The following DIS3L2 variants were observed in gnomAD, a reference collection of about 807,000 sequenced individuals.
The protein encoded by DIS3L2 is DIS3 like 3'-5' exoribonuclease 2, also known as DIS3-like exonuclease 2.
DIS3L2 carries 34 observed loss-of-function variants against 97.5 expected under a neutral mutation model. The ratio of observed to expected loss-of-function variants is 0.35; its 90% CI spans 0.27 to 0.46. The LOEUF is 0.46. DIS3L2 is among the 20% of genes least tolerant of loss of function. The pLI, the probability that DIS3L2 is intolerant of heterozygous loss-of-function variation, is 1.00. For synonymous variants in DIS3L2, 435 were observed against 445.2 expected, an observed-to-expected ratio of 0.98 and a Z score of 0.29; for missense variants, 1,038 against 1,146.0, an observed-to-expected ratio of 0.91 and a Z score of 1.36.
At chr2:232,215,322 T>C (rs1692303337) in intron 10 of DIS3L2, among the ~76,000 whole-genome samples, 3 of 152,206 alleles carry the variant, frequency 2.0e-5, no homozygotes, top group South Asian at 4.2e-4. Flanking sequence ...CCGCTCACAT[T>C]TCCCATCCCC....
chr2:232,088,455 G>C (rs1295811031), intron 6 of DIS3L2, among the ~76,000 whole-genome samples: 1 of 150,894 alleles, frequency 6.6e-6, no homozygotes, highest in Non-Finnish European at 1.5e-5. Context: ...CCAGCTACTC[G>C]GGAGGCTGAG....
At chr2:232,030,227 G>A (rs1055777637) in intron 5 of DIS3L2, 147 bp downstream of exon 5, 37 of 662,784 alleles carry the variant, frequency 5.6e-5, no homozygotes, top group African/African-American at 5.3e-4. Context: ...GCATGCTACC[G>A]AATGCTTGGA....
At chr2:232,334,290 G>C in intron 17 of DIS3L2, 79 bp from the exon 18 acceptor site, 1 of 1,509,422 alleles carries the variant, frequency 6.6e-7, no homozygotes, top group Non-Finnish European at 9.0e-7. Context: ...GGGGTGCAGC[G>C]CCATGCAGCC....
chr2:232,174,039 A>T (rs1249769134), intron 9 of DIS3L2, among the ~76,000 whole-genome samples: 4 of 152,158 alleles, frequency 2.6e-5, no homozygotes, highest in Non-Finnish European at 4.4e-5. Context: ...TTTCCATCTT[A>T]ACACTGTTAA....
intron 5 of DIS3L2, among the ~76,000 whole-genome samples, chr2:232,033,135 A>G (rs1442224169): frequency 2.6e-5 from 4 of 152,028 alleles, no homozygotes; most frequent in Non-Finnish European, 4.4e-5. Flanking sequence ...ATATTTTTCC[A>G]TTTGTGTCCT....
chr2:232,327,186 G>C (rs111667209), intron 14 of DIS3L2, among the ~76,000 whole-genome samples: 3,191 of 152,326 alleles, frequency 0.021, 60 homozygotes, highest in Middle Eastern at 0.048. Flanking sequence ...GTAACCAGGG[G>C]CCACCTCACA....
rs556096356 is a variant in DIS3L2 at position 231,987,832 on chromosome 2, C to A, written c.-94+26067C>A. 5.3e-5 allele frequency among the ~76,000 whole-genome samples: 8 copies of A among 152,046 alleles called. No individual in the cohort carries two copies. The South Asian group carries it at 1.7e-3, about 32-fold the overall frequency. Reference sequence around the variant, plus strand: ...TTTGGGAATGATTTTGGTCATTTTTCTTTTTCTTTCTTTCTTTTTTTTTTG... The same window carrying A: ...TTTGGGAATGATTTTGGTCATTTTTATTTTTCTTTCTTTCTTTTTTTTTTG... On this transcript the variant is annotated intron_variant, in intron 1 of 20. Transcript: ENST00000325385.
At chr2:231,962,437 C>CTTT (rs752430172) in intron 1 of DIS3L2, among the ~76,000 whole-genome samples, 7 of 132,060 alleles carry the variant, frequency 5.3e-5, no homozygotes, top group South Asian at 2.5e-4. Flanking sequence ...CTACCGTTAC[C>CTTT]TTTTTTTTTT....
downstream of DIS3L2, among the ~76,000 whole-genome samples, chr2:232,340,380 G>T (rs1002474203): frequency 7.9e-5 from 12 of 152,164 alleles, no homozygotes; most frequent in Non-Finnish European, 1.5e-4. Context: ...AAGAGGGATG[G>T]CTGGAATCAT....
intron 5 of DIS3L2, 145 bp downstream of exon 5, chr2:232,030,225 C>T: frequency 1.5e-6 from 1 of 673,228 alleles, no homozygotes; most frequent in Non-Finnish European, 2.5e-6. Flanking sequence ...AAGCATGCTA[C>T]CGAATGCTTG....
rs1358070833 is a variant in DIS3L2 at position 232,210,337 on chromosome 2, T to A, written c.1136T>A (p.Ile379Asn). The A allele has an allele frequency of 6.2e-7, 1 of 1,613,350 alleles. No homozygotes were observed. Among genetic ancestry groups the A allele is most frequent in the African/African-American group, 1.3e-5 (1 of 74,930 alleles). Reference sequence around the variant, plus strand: ...TCACTCTTTCCTAGAAAAGACTGTATCTTCACCATTGACCCATCAACCGCC... The same window carrying A: ...TCACTCTTTCCTAGAAAAGACTGTAACTTCACCATTGACCCATCAACCGCC... Reference protein sequence around the residue: ...SKRRDLRKDCIFTIDPSTARD... With the variant: ...SKRRDLRKDCNFTIDPSTARD... The change falls in exon 10 of 21, where the codon ATC becomes AAC. Residue 379 changes from isoleucine (I) to asparagine (N), a missense_variant. This residue lies in a region of DIS3L2 where 813 missense variants were observed against 880.1 expected (regional missense o/e 0.92). Coordinates refer to ENST00000325385, the MANE Select transcript of DIS3L2 (RefSeq NM_152383.5).
chr2:232,321,306 A>T (rs1348614924), intron 14 of DIS3L2, among the ~76,000 whole-genome samples: 1 of 152,130 alleles, frequency 6.6e-6, no homozygotes, highest in Non-Finnish European at 1.5e-5. Context: ...GCTTTCTCTG[A>T]CTGTATGGAG....
Position 232,330,743 on chromosome 2 carries a change from G to A in DIS3L2, c.1977G>A (p.Glu659=), listed in dbSNP as rs1553550932. The change falls in exon 16 of 21, where the codon GAG becomes GAA. Residue 659 remains glutamate (E), a synonymous_variant. Transcript: ENST00000325385. ...GDDKYSLARK[E]VLTNMCSRPM... ...ACAAGTACTCACTGGCCCGCAAGGAGGTGCTCACCAACATGTGCTCCCGGC... is the reference window on the plus strand; with the variant it reads ...ACAAGTACTCACTGGCCCGCAAGGAAGTGCTCACCAACATGTGCTCCCGGC... The A allele has an allele frequency of 6.2e-7, 1 of 1,613,308 alleles. No individual in the cohort carries two copies. Among genetic ancestry groups the A allele is most frequent in the East Asian group, 2.2e-5 (1 of 44,890 alleles).
chr2:232,081,025 A>G lies in DIS3L2; in HGVS notation c.367-6462A>G, dbSNP rs150932943. Among the ~76,000 whole-genome samples the G allele has an allele frequency of 2.1e-3, 314 of 151,820 alleles. 1 individual carries two copies. Among genetic ancestry groups the G allele is most frequent in the African/African-American group, 7.3e-3 (304 of 41,420 alleles). ...TATAGGCTTACCCTTTTTTCTTGCA[A>G]TTTATTTGTTGGCAAAACTGGGTTA... On this transcript the variant is annotated intron_variant, in intron 5 of 20. Coordinates refer to ENST00000325385, the MANE Select transcript of DIS3L2 (RefSeq NM_152383.5).
intron 13 of DIS3L2, among the ~76,000 whole-genome samples, chr2:232,282,922 C>T (rs1038904811): frequency 6.6e-6 from 1 of 152,182 alleles, no homozygotes; most frequent in Non-Finnish European, 1.5e-5. Context: ...TTGGAAGCGC[C>T]TTTTAAGAAT....
chr2:232,004,370 A>G (rs1029427802), intron 1 of DIS3L2, among the ~76,000 whole-genome samples: 3 of 152,070 alleles, frequency 2.0e-5, no homozygotes, highest in South Asian at 2.1e-4. Context: ...CACCAGGCCA[A>G]TTACCTTTAT....
chr2:232,205,235 TATAA>T (rs1323603124), intron 9 of DIS3L2, among the ~76,000 whole-genome samples: 17 of 137,356 alleles, frequency 1.2e-4, no homozygotes, highest in African/African-American at 4.3e-4. Context: ...TATATATATA[TATAA>T]AATGCAGTGA....
chr2:232,096,072 C>A lies in DIS3L2; in HGVS notation c.601+8351C>A, dbSNP rs542839136. On this transcript the variant is annotated intron_variant, in intron 6 of 20. Transcript: ENST00000325385. ...CCTTTAGGAGTTTGATTATTAAATGCCTTGGGGTAGTTGTCTTTTTTTTTT... is the reference window on the plus strand; with the variant it reads ...CCTTTAGGAGTTTGATTATTAAATGACTTGGGGTAGTTGTCTTTTTTTTTT... 2.7e-5 allele frequency among the ~76,000 whole-genome samples: 4 copies of A among 149,090 alleles called. No homozygotes were observed. The Admixed American group carries it at 2.7e-4, about 10-fold the overall frequency.
chr2:232,154,757 T>A (rs1690430830), intron 8 of DIS3L2, among the ~76,000 whole-genome samples: 1 of 149,450 alleles, frequency 6.7e-6, no homozygotes, highest in Admixed American at 6.7e-5. Context: ...AGCTGCTTTG[T>A]TTACCTAAGC....
Sources: allele counts gnomAD v4.1 joint callset (sites outside exome capture counted in the v4.1 genomes callset), GRCh38; gene constraint gnomAD v4.1.1; regional missense constraint gnomAD v4.1.1; transcripts MANE v1.5; gene names NCBI Gene and HGNC (gene_info 2026-07-23, HGNC 2026-07-21).